The following ZNF729 variants were observed in gnomAD, a reference collection of about 807,000 sequenced individuals.
The protein encoded by ZNF729 is zinc finger protein 729.
ZNF729 carries 15 observed loss-of-function variants against 12.2 expected under a neutral mutation model. That is an observed-to-expected ratio of 1.23 (90% CI 0.82 to 1.89). The LOEUF (loss-of-function observed/expected upper bound fraction) is 1.89, where lower values mean the gene tolerates loss of function less well. Among genes scored for constraint, ZNF729 ranks in the 40% most tolerant of loss-of-function variants. The pLI, the probability that ZNF729 is intolerant of heterozygous loss-of-function variation, is 0.00. For synonymous variants in ZNF729, 492 were observed against 476.3 expected (o/e 1.03, Z -0.43); for missense variants, 1,540 against 1,456.7 (o/e 1.06, Z -0.93).
rs1439914518 is a variant in ZNF729 at position 22,315,144 on chromosome 19, A to G, written c.1727A>G (p.Glu576Gly). The G allele has an allele frequency of 3.7e-6, 6 of 1,611,474 alleles. No homozygotes were observed. Among genetic ancestry groups the G allele is most frequent in the African/African-American group, 1.3e-5 (1 of 74,920 alleles). ...HTGEKPCKCE[E>G]CGKAFKHFSA... ...GGAGAGAAACCCTGCAAATGTGAAG[A>G]ATGTGGCAAAGCTTTTAAGCATTTC... is the stretch of plus-strand genomic sequence containing the variant. Residue 576 changes from glutamate to glycine, a missense_variant, in exon 4 of 4, where the codon GAA (glutamate) becomes GGA (glycine). Transcript: ENST00000601693.
rs557392624 is a variant in ZNF729 at position 22,310,385 on chromosome 19, A to G, written c.254-3286A>G. Among the ~76,000 whole-genome samples, 8 of 152,182 alleles carry G rather than the reference A, an allele frequency of 5.3e-5. No homozygotes were observed. The South Asian group carries it at 8.3e-4, about 16-fold the overall frequency. ...ATTGATGTATGTCCCTTGTATGCCA[A>G]TTTTGCTAAGAGTTTTAATCATAAA... is the stretch of plus-strand genomic sequence containing the variant. On this transcript the variant is annotated intron_variant, in intron 3 of 3. Coordinates refer to ENST00000601693, the MANE Select transcript of ZNF729 (RefSeq NM_001242680.2).
At chr19:22,306,990 ATATT>A (rs1414952621) in intron 3 of ZNF729, among the ~76,000 whole-genome samples, 5 of 151,770 alleles carry the variant, frequency 3.3e-5, no homozygotes, top group Admixed American at 1.3e-4. Flanking sequence ...AGAAAGCTAT[ATATT>A]TATATATGGA....
chr19:22,312,873 C>A (rs112407697), intron 3 of ZNF729, among the ~76,000 whole-genome samples: 1 of 151,994 alleles, frequency 6.6e-6, no homozygotes, highest in African/African-American at 2.4e-5. Flanking sequence ...GCCACCACGC[C>A]CAGCTAATTT....
At chr19:22,296,127 T>C (rs1031638810) in intron 1 of ZNF729, among the ~76,000 whole-genome samples, 1 of 152,178 alleles carries the variant, frequency 6.6e-6, no homozygotes, top group Non-Finnish European at 1.5e-5. Context: ...GGCATCAGAA[T>C]GTTGCTGTTT....
At position 22,314,492 on chromosome 19, in the gene ZNF729, C is replaced by G. The variant is rs995453092; in HGVS notation, c.1075C>G (p.Gln359Glu). The G allele has an allele frequency of 1.4e-5, 23 of 1,607,044 alleles. No individual in the cohort carries two copies. Among genetic ancestry groups the G allele is most frequent in the Middle Eastern group, 1.7e-4 (1 of 6,044 alleles). ...KREECGKAFSQSSTLRKHEII... is the reference protein window; with the variant it reads ...KREECGKAFSESSTLRKHEII... ...TGAAGAATGTGGCAAAGCTTTTAGC[C>G]AGTCCTCAACCCTTAGAAAACATGA... Residue 359 changes from glutamine to glutamate, a missense_variant, in exon 4 of 4, where the codon CAG (glutamine) becomes GAG (glutamate). Physicochemically the swap from Gln to Glu is conservative, Grantham distance 29 (BLOSUM62 2). Coordinates refer to ENST00000601693, the MANE Select transcript of ZNF729 (RefSeq NM_001242680.2).
At chr19:22,302,377 G>A (rs1270929689) in intron 1 of ZNF729, among the ~76,000 whole-genome samples, 1 of 152,296 alleles carries the variant, frequency 6.6e-6, no homozygotes, top group African/African-American at 2.4e-5. Flanking sequence ...AAACAGATGT[G>A]TGCAGAAACG....
chr19:22,303,492 C>T (rs1267442228), intron 1 of ZNF729, among the ~76,000 whole-genome samples: 1 of 152,234 alleles, frequency 6.6e-6, no homozygotes, highest in Non-Finnish European at 1.5e-5. Context: ...TGTTTGTTAT[C>T]ATGCCATTAG....
chr19:22,297,011 A>G (rs934495207), intron 1 of ZNF729, among the ~76,000 whole-genome samples: 5 of 152,090 alleles, frequency 3.3e-5, no homozygotes, highest in African/African-American at 1.2e-4. Flanking sequence ...TGTATAGTCA[A>G]TTTGAGAGTA....
intron 2 of ZNF729, 46 bp from the exon 3 acceptor site, chr19:22,304,642 T>C (rs1441278686): frequency 6.7e-7 from 1 of 1,483,886 alleles, no homozygotes; most frequent in Non-Finnish European, 9.2e-7. Context: ...GCATATTATT[T>C]GGGTAATATG....
At position 22,315,398 on chromosome 19, in the gene ZNF729, T is replaced by G; in HGVS notation, c.1981T>G (p.Cys661Gly). 1 of 1,613,502 alleles carries G rather than the reference T, an allele frequency of 6.2e-7. No homozygotes were observed. The highest frequency in any genetic ancestry group is 8.5e-7 in the Non-Finnish European group (1 of 1,179,816). The change falls in exon 4 of 4, where the codon TGT becomes GGT. Residue 661 changes from cysteine to glycine, a missense_variant. Coordinates refer to ENST00000601693, the MANE Select transcript of ZNF729 (RefSeq NM_001242680.2). ...TGEKPYKCEE[C>G]GKAFSHFSAL... Reference sequence around the variant, plus strand: ...AGAGAAACCTTACAAATGTGAAGAATGTGGCAAAGCTTTTAGCCATTTCTC... The same window carrying G: ...AGAGAAACCTTACAAATGTGAAGAAGGTGGCAAAGCTTTTAGCCATTTCTC...
In ZNF729 at chr19:22,316,312, A is replaced by G. The variant is rs1204848458; in HGVS notation, c.2895A>G (p.Lys965=). The change falls in exon 4 of 4, where the codon AAA becomes AAG. Residue 965 remains lysine, a synonymous_variant. Coordinates refer to ENST00000601693, the MANE Select transcript of ZNF729 (RefSeq NM_001242680.2). ...KIIHTGKKPY[K]CAECGKAFKQ... ...TTCATACTGGGAAGAAACCATACAA[A>G]TGTGCAGAATGTGGCAAAGCTTTTA... 1.2e-6 allele frequency: 2 copies of G among 1,613,710 alleles called. No homozygotes were observed. The highest frequency in any genetic ancestry group is 1.7e-6 in the Non-Finnish European group (2 of 1,179,724).
chr19:22,315,731 G>A lies in ZNF729; in HGVS notation c.2314G>A (p.Glu772Lys), dbSNP rs760465518. ...HTREKLYKCE[E>K]CVKAFNSFSA... ...TAGGGAGAAATTGTACAAATGTGAA[G>A]AATGTGTCAAAGCTTTTAACAGTTT... Residue 772 changes from glutamate (E) to lysine (K), a missense_variant, in exon 4 of 4, where the codon GAA becomes AAA. Physicochemically the swap from Glu to Lys is moderately conservative, Grantham distance 56 (BLOSUM62 1). Transcript: ENST00000601693. The A allele has an allele frequency of 5.2e-5, 84 of 1,606,236 alleles. No individual in the cohort carries two copies. The African/African-American group carries it at 9.1e-4, about 17-fold the overall frequency.
chr19:22,304,687 G>T lies in ZNF729; in HGVS notation c.158-1G>T. On this transcript the variant is annotated splice_acceptor_variant, in intron 2 of 3. Coordinates refer to ENST00000601693, the MANE Select transcript of ZNF729 (RefSeq NM_001242680.2). LOFTEE classifies it high-confidence loss of function. ...TATGTTATTTATTTTTAATAAAACA[G>T]GTATGGCTGTCTTTAAGCCAGACTT... The T allele has an allele frequency of 6.2e-7, 1 of 1,610,484 alleles. No individual in the cohort carries two copies. The highest frequency in any genetic ancestry group is 8.5e-7 in the Non-Finnish European group (1 of 1,178,204).
intron 3 of ZNF729, among the ~76,000 whole-genome samples, chr19:22,311,136 C>T (rs1445248056): frequency 6.6e-6 from 1 of 151,886 alleles, no homozygotes; most frequent in African/African-American, 2.4e-5. Context: ...TTTAAAGAGC[C>T]AGGTTTTTGT....
Position 22,316,033 on chromosome 19 carries a change from A to G in ZNF729, c.2616A>G (p.Ile872Met). 3 of 1,610,932 alleles carry G rather than the reference A, an allele frequency of 1.9e-6. No homozygotes were observed. The highest frequency in any genetic ancestry group is 2.5e-6 in the Non-Finnish European group (3 of 1,179,674). ...CCTCATCCCTTAGAAAACATGAGAT[A>G]ATTCATAGTGGAGAGAAACCATACA... ...SQSSSLRKHE[I>M]IHSGEKPYKC... The change falls in exon 4 of 4, where the codon ATA becomes ATG. Residue 872 changes from isoleucine (I) to methionine (M), a missense_variant. By Grantham distance (10) the Ile-to-Met change is conservative. Transcript: ENST00000601693.
At chr19:22,291,645 A>C (rs544437059) in intron 1 of ZNF729, among the ~76,000 whole-genome samples, 4 of 152,168 alleles carry the variant, frequency 2.6e-5, no homozygotes, top group African/African-American at 7.2e-5. Context: ...TAATCAGAGT[A>C]GAGTCACACC....
chr19:22,311,728 A>T (rs1228516935), intron 3 of ZNF729, among the ~76,000 whole-genome samples: 1 of 152,186 alleles, frequency 6.6e-6, no homozygotes, highest in Non-Finnish European at 1.5e-5. Flanking sequence ...GGTATAGTTT[A>T]AATCCATTGT....
chr19:22,312,477 T>TGTGTG (rs1491132977), intron 3 of ZNF729, among the ~76,000 whole-genome samples: 4 of 147,262 alleles, frequency 2.7e-5, no homozygotes, highest in Non-Finnish European at 4.5e-5. Flanking sequence ...TGTGTGTGTG[T>TGTGTG]TTAGATAAAG....
At position 22,315,337 on chromosome 19, in the gene ZNF729, C is replaced by G; in HGVS notation, c.1920C>G (p.Ser640=). 6.2e-7 allele frequency: 1 copy of G among 1,612,484 alleles called. No individual in the cohort carries two copies. The highest frequency in any genetic ancestry group is 1.3e-5 in the African/African-American group (1 of 74,614). Residue 640 remains serine, a synonymous_variant, in exon 4 of 4, where the codon TCC becomes TCG. Coordinates refer to ENST00000601693, the MANE Select transcript of ZNF729 (RefSeq NM_001242680.2). The part of the protein sequence containing the change: ...CEECGKAFRQ[S]SHLTRHKAIH... Reference sequence around the variant, plus strand: ...AATGTGGCAAAGCTTTTAGGCAATCCTCACACCTTACTAGACATAAAGCAA... The same window carrying G: ...AATGTGGCAAAGCTTTTAGGCAATCGTCACACCTTACTAGACATAAAGCAA...
Sources: allele counts gnomAD v4.1 joint callset (sites outside exome capture counted in the v4.1 genomes callset), GRCh38; gene constraint gnomAD v4.1.1; transcripts MANE v1.5; gene names NCBI Gene and HGNC (gene_info 2026-07-23, HGNC 2026-07-21).